KLHL13: variants seen among roughly 807,000 people sequenced by gnomAD.
The protein encoded by KLHL13 is kelch like family member 13.
A neutral mutation model predicts 37.1 loss-of-function variants in KLHL13; 10 were observed. The observed-to-expected ratio is 0.27, with a 90% CI of 0.17 to 0.46. KLHL13 has a LOEUF of 0.46. Ranked by LOEUF, KLHL13 falls within the 20% of genes least tolerant of loss-of-function variation. The pLI is 1.00. For synonymous variants in KLHL13, 163 were observed against 181.2 expected, an observed-to-expected ratio of 0.90 and a Z score of 0.81; for missense variants, 360 against 509.3, an observed-to-expected ratio of 0.71 and a Z score of 2.82.
intron 1 of KLHL13, among the ~76,000 whole-genome samples, chrX:118,048,857 C>T (rs1484938483): frequency 9.0e-6 from 1 of 111,172 alleles, no homozygotes; most frequent in African/African-American, 3.3e-5. Context: ...GTAGTTTTGC[C>T]CTTAAAATAT....
At chrX:117,983,497 G>T in intron 1 of KLHL13, 1 of 1,143,272 alleles carries the variant, frequency 8.7e-7, no homozygotes, top group South Asian at 1.9e-5. Context: ...TTGATTTTTT[G>T]AATATATCCT....
intron 1 of KLHL13, among the ~76,000 whole-genome samples, chrX:118,053,392 A>G (rs988718404): frequency 2.7e-5 from 3 of 111,818 alleles, no homozygotes; most frequent in Non-Finnish European, 5.6e-5. Context: ...TTGCAAGGAC[A>G]AAAAACCAAA....
intron 1 of KLHL13, among the ~76,000 whole-genome samples, chrX:118,062,874 A>C (rs2054756241): frequency 1.8e-5 from 2 of 111,474 alleles, no homozygotes; most frequent in South Asian, 7.5e-4. Context: ...TCTGGTGAAA[A>C]GGAAAAGGAA....
chrX:118,058,235 G>C (rs2054705845), intron 1 of KLHL13, among the ~76,000 whole-genome samples: 2 of 111,310 alleles, frequency 1.8e-5, no homozygotes, highest in Admixed American at 9.6e-5. Context: ...TAACAGCTTT[G>C]ATTTGTCTTC....
intron 1 of KLHL13, among the ~76,000 whole-genome samples, chrX:118,069,420 T>TAA (rs66906743): frequency 3.3e-5 from 2 of 61,532 alleles, no homozygotes; most frequent in Non-Finnish European, 6.0e-5. Flanking sequence ...GTTTAAAATG[T>TAA]AAAAAAAAAA....
chrX:118,086,704 G>A (rs138933911), intron 1 of KLHL13, among the ~76,000 whole-genome samples: 1,215 of 111,691 alleles, frequency 0.011, 14 homozygotes, highest in African/African-American at 0.035. Context: ...ACATCTGTAA[G>A]CAAAGTAAAT....
At chrX:118,001,503 A>T (rs761620745) in intron 1 of KLHL13, among the ~76,000 whole-genome samples, 1 of 111,825 alleles carries the variant, frequency 8.9e-6, no homozygotes, top group South Asian at 3.8e-4. Flanking sequence ...AACTAATGCA[A>T]TTGAATGAAC....
upstream of KLHL13, among the ~76,000 whole-genome samples, chrX:117,975,343 T>G (rs1319872372): frequency 1.8e-5 from 2 of 111,465 alleles, no homozygotes; most frequent in Non-Finnish European, 3.8e-5. Flanking sequence ...AGTAAGGAGG[T>G]GATGTTTTAG....
At chrX:118,019,051 TGTGTG>T (rs2054164139) in intron 1 of KLHL13, among the ~76,000 whole-genome samples, 1 of 111,290 alleles carries the variant, frequency 9.0e-6, no homozygotes, top group African/African-American at 3.3e-5. Context: ...GTTGCCTTTT[TGTGTG>T]GTAAGAACAT....
intron 1 of KLHL13, among the ~76,000 whole-genome samples, chrX:118,074,039 T>C (rs1376350971): frequency 1.8e-5 from 2 of 112,412 alleles, no homozygotes; most frequent in African/African-American, 6.5e-5. Context: ...GACTCCCTTG[T>C]CCTATTTTTT....
rs190149853 is a variant in KLHL13, at chrX:117,911,149, T to C, written c.571-1053A>G. Among the ~76,000 whole-genome samples the C allele has an allele frequency of 5.5e-3, 615 of 112,483 alleles. 5 individuals carry two copies. Among genetic ancestry groups the C allele is most frequent in the African/African-American group, 0.019 (581 of 30,943 alleles). On this transcript the variant is annotated intron_variant, in intron 4 of 6. Coordinates refer to ENST00000262820, the Ensembl canonical transcript of KLHL13. Reference sequence around the variant, plus strand: ...GGCAAAAGACTTAAATGTTTGGTTGTTTTTAAAATTTTGTCAGGTTATGTG... The same window carrying C: ...GGCAAAAGACTTAAATGTTTGGTTGCTTTTAAAATTTTGTCAGGTTATGTG...
At chrX:118,015,229 T>C (rs1441391623) in intron 1 of KLHL13, among the ~76,000 whole-genome samples, 1 of 111,791 alleles carries the variant, frequency 8.9e-6, no homozygotes, top group Non-Finnish European at 1.9e-5. Flanking sequence ...ATTCAATAAG[T>C]AAAACCTTAG....
At chrX:117,977,877 T>C (rs1375481565), upstream of KLHL13, among the ~76,000 whole-genome samples, 2 of 112,423 alleles carry the variant, frequency 1.8e-5, no homozygotes, top group African/African-American at 6.5e-5. Context: ...TTCATGGCTA[T>C]GTACACTTAT....
chrX:118,094,074 A>G (rs941857199), intron 1 of KLHL13, among the ~76,000 whole-genome samples: 1 of 109,522 alleles, frequency 9.1e-6, no homozygotes, highest in Non-Finnish European at 1.9e-5. Context: ...CGATCAAACT[A>G]CTCTGAGCTA....
intron 1 of KLHL13, among the ~76,000 whole-genome samples, chrX:118,102,586 C>A (rs932263637): frequency 8.9e-6 from 1 of 112,208 alleles, no homozygotes; most frequent in African/African-American, 3.2e-5. Context: ...ATCCCCATCA[C>A]CTGGTTTAAA....
At chrX:117,948,895 T>C (rs965769003) in intron 1 of KLHL13, among the ~76,000 whole-genome samples, 9 of 111,867 alleles carry the variant, frequency 8.0e-5, no homozygotes, top group African/African-American at 2.9e-4. Flanking sequence ...GAAAGCATTG[T>C]AAACGTGGTC....
At chrX:117,939,530 G>A (rs1246697716) in intron 2 of KLHL13, among the ~76,000 whole-genome samples, 5 of 112,074 alleles carry the variant, frequency 4.5e-5, no homozygotes, top group Non-Finnish European at 9.4e-5. Context: ...CTTCCACAGT[G>A]GTTGAACTAA....
chrX:118,052,870 A>T (rs959865613), intron 1 of KLHL13, among the ~76,000 whole-genome samples: 2 of 110,862 alleles, frequency 1.8e-5, no homozygotes, highest in African/African-American at 6.6e-5. Context: ...AGAATTTTTT[A>T]AAACAATTTT....
chrX:117,909,286 T>C lies in KLHL13; in HGVS notation c.1366+15A>G. ...TGAAGAAATTTGTCTCTATGCTTAA[T>C]ATAAATGCACTTACGCAGTTCACCT... is the stretch of plus-strand genomic sequence containing the variant. On this transcript the variant is annotated intron_variant, in intron 5 of 6. Coordinates refer to ENST00000262820, the Ensembl canonical transcript of KLHL13. The C allele has an allele frequency of 8.8e-7, 1 of 1,140,057 alleles. No homozygotes were observed. The highest frequency in any genetic ancestry group is 3.0e-5 in the East Asian group (1 of 33,274). 94.0% of individuals were successfully genotyped at this position (1,140,057 alleles called of 1,213,427 possible). A position where few individuals can be genotyped will look rare whatever the true frequency, so the allele number is the denominator to read the frequency against.
Sources: gnomAD v4.1 joint callset for allele counts (sites outside exome capture counted in the v4.1 genomes callset) on GRCh38, gnomAD v4.1.1 for gene constraint, MANE v1.5 for transcripts, NCBI Gene and HGNC (gene_info 2026-07-23, HGNC 2026-07-21) for gene names.